The following RMI2 variants were observed in gnomAD, a reference collection of about 807,000 sequenced individuals.
The protein encoded by RMI2 is recQ-mediated genome instability protein 2.
Under a neutral mutation model 8.4 loss-of-function variants are expected in RMI2, and 11 were observed. That is an observed-to-expected ratio of 1.32 (90% CI 0.83 to 2.18). The LOEUF is 2.18. Ranked by LOEUF, RMI2 falls within the 30% of genes most tolerant of loss-of-function variation. The pLI, the probability that RMI2 is intolerant of heterozygous loss-of-function variation, is 0.00. For missense variants in RMI2, 253 were observed against 207.5 expected (o/e 1.22, Z -1.35); for synonymous variants, 105 against 93.8 (o/e 1.12, Z -0.69).
In RMI2 at chr16:11,350,737, C is replaced by T. The variant is rs1297368310; in HGVS notation, c.391C>T (p.His131Tyr). 1.3e-5 allele frequency: 21 copies of T among 1,613,196 alleles called. 1 individual carries two copies. Among genetic ancestry groups the T allele is most frequent in the Non-Finnish European group, 1.7e-5 (20 of 1,179,250 alleles). ...GACAGACCTTTCTGATAATCCCATCCATGAAAGTATGTGGGAACTGGAGGT... is the reference window on the plus strand; with the variant it reads ...GACAGACCTTTCTGATAATCCCATCTATGAAAGTATGTGGGAACTGGAGGT... ...KMTDLSDNPI[H>Y]ESMWELEVED... is the part of the protein sequence containing the mutation. Residue 131 changes from histidine (H) to tyrosine (Y), a missense_variant, in exon 2 of 2, where the codon CAT (histidine) becomes TAT (tyrosine). Coordinates refer to ENST00000312499, the MANE Select transcript of RMI2 (RefSeq NM_152308.3).
Position 11,351,228 on chromosome 16 carries a change from T to C in RMI2, c.*438T>C, listed in dbSNP as rs1338509710. On this transcript the variant is annotated 3_prime_UTR_variant, in exon 2 of 2. Transcript: ENST00000312499. ...TGTGGTTATGGGCAGGAAGACAGAC[T>C]GTGTAAAAAAGGAATGACATCCTGG... The C allele has an allele frequency of 8.6e-6, 2 of 233,556 alleles. No homozygotes were observed. The highest frequency in any genetic ancestry group is 1.8e-4 in the South Asian group (1 of 5,574). 14.5% of individuals were successfully genotyped at this position (233,556 alleles called of 1,614,324 possible).
rs1449850520 is a variant in RMI2, at chr16:11,350,847, A to G, written c.*57A>G. Reference sequence around the variant, plus strand: ...AAATCCCGAAACTATTTAGAAGCTTATAATGATGTGGATTTCATGGACACT... The same window carrying G: ...AAATCCCGAAACTATTTAGAAGCTTGTAATGATGTGGATTTCATGGACACT... On this transcript the variant is annotated 3_prime_UTR_variant, in exon 2 of 2. Coordinates refer to ENST00000312499, the MANE Select transcript of RMI2 (RefSeq NM_152308.3). 18 of 1,429,936 alleles carry G rather than the reference A, an allele frequency of 1.3e-5. No homozygotes were observed. Among genetic ancestry groups the G allele is most frequent in the Non-Finnish European group, 1.6e-5 (17 of 1,043,518 alleles). 88.6% of individuals were successfully genotyped at this position (1,429,936 alleles called of 1,614,324 possible).
At position 11,350,997 on chromosome 16, in the gene RMI2, G is replaced by A. The variant is rs979547780; in HGVS notation, c.*207G>A. The A allele has an allele frequency of 9.7e-6, 4 of 410,714 alleles. No homozygotes were observed. The highest frequency in any genetic ancestry group is 8.3e-5 in the African/African-American group (4 of 48,392). The allele number at this position is 410,714 out of a possible 1,614,324, so 25.4% of individuals were successfully genotyped here. The stretch of plus-strand genomic sequence containing the variant: ...CACAGCCTCTGCTGCCCCTTGCTTT[G>A]CCTGTGTTTGCTGATGAAAAGCAGA... On this transcript the variant is annotated 3_prime_UTR_variant, in exon 2 of 2. Transcript: ENST00000312499.
intron 1 of RMI2, among the ~76,000 whole-genome samples, chr16:11,347,012 A>G (rs537088526): frequency 6.6e-6 from 1 of 152,324 alleles, no homozygotes; most frequent in African/African-American, 2.4e-5. Context: ...TGCTCCAAGA[A>G]CCAATAGTCT....
intron 1 of RMI2, chr16:11,348,878 G>C (rs1410319868): frequency 6.6e-6 from 1 of 152,456 alleles, no homozygotes; most frequent in Non-Finnish European, 1.5e-5. Flanking sequence ...GCTTGAAGGG[G>C]ATAGAGCCGC....
Position 11,345,519 on chromosome 16 carries a change from G to A in RMI2, c.48G>A (p.Arg16=), listed in dbSNP as rs1429274178. Residue 16 remains arginine, a synonymous_variant, in exon 1 of 2, where the codon CGG becomes CGA. Coordinates refer to ENST00000312499, the MANE Select transcript of RMI2 (RefSeq NM_152308.3). The part of the protein sequence containing the change: ...DSFSGGPAGV[R]LPRSPPLKVL... ...TCTCAGGCGGCCCCGCGGGGGTGCG[G>A]CTTCCGAGGTCGCCGCCACTCAAGG... 1.3e-5 allele frequency: 17 copies of A among 1,296,884 alleles called. No homozygotes were observed. The highest frequency in any genetic ancestry group is 1.7e-5 in the Non-Finnish European group (17 of 1,018,494). The allele number at this position is 1,296,884 out of a possible 1,614,324, so 80.3% of individuals were successfully genotyped here. A position where few individuals can be genotyped will look rare whatever the true frequency, so the allele number is the denominator to read the frequency against.
rs986349822 is a variant in RMI2, at chr16:11,350,643, A to G, written c.297A>G (p.Gly99=). ...VPRGRPCLVP[G]KYVMVMGVVQ... is the part of the protein sequence containing the mutation. Reference sequence around the variant, plus strand: ...TATGGGCTTTTCTTCTTTTTCTAGGAAAGTATGTGATGGTGATGGGAGTGG... The same window carrying G: ...TATGGGCTTTTCTTCTTTTTCTAGGGAAGTATGTGATGGTGATGGGAGTGG... Residue 99 remains glycine (G), a splice_region_variant and synonymous_variant, in exon 2 of 2, where the codon GGA becomes GGG. Coordinates refer to ENST00000312499, the MANE Select transcript of RMI2 (RefSeq NM_152308.3). 30 of 1,554,948 alleles carry G rather than the reference A, an allele frequency of 1.9e-5. No homozygotes were observed. The highest frequency in any genetic ancestry group is 2.5e-5 in the Non-Finnish European group (29 of 1,156,816).
chr16:11,351,689 T>C lies in RMI2; in HGVS notation c.*899T>C, dbSNP rs987593974. On this transcript the variant is annotated 3_prime_UTR_variant, in exon 2 of 2. Transcript: ENST00000312499. ...GATTGTAAATATCAAAGGAGTTAGA[T>C]TGTGTTCTGACATGGTTGTAGACTT... is the stretch of plus-strand genomic sequence containing the variant. The C allele has an allele frequency of 1.6e-4, 36 of 226,894 alleles. 1 individual carries two copies. Among genetic ancestry groups the C allele is most frequent in the Admixed American group, 3.4e-4 (6 of 17,602 alleles). 14.1% of individuals were successfully genotyped at this position (226,894 alleles called of 1,614,324 possible).
chr16:11,348,867 G>A (rs947557340), intron 1 of RMI2: 9 of 152,616 alleles, frequency 5.9e-5, no homozygotes, highest in Non-Finnish European at 4.4e-5. Flanking sequence ...CCTGTGCAAA[G>A]GCTTGAAGGG....
rs998218471 is a variant in RMI2 at position 11,345,512 on chromosome 16, G to C, written c.41G>C (p.Gly14Ala). The part of the protein sequence containing the change: ...AADSFSGGPA[G>A]VRLPRSPPLK... Reference sequence around the variant, plus strand: ...GACTCGTTCTCAGGCGGCCCCGCGGGGGTGCGGCTTCCGAGGTCGCCGCCA... The same window carrying C: ...GACTCGTTCTCAGGCGGCCCCGCGGCGGTGCGGCTTCCGAGGTCGCCGCCA... The change falls in exon 1 of 2, where the codon GGG becomes GCG. Residue 14 changes from glycine (G) to alanine (A), a missense_variant. Gly to Ala is a moderately conservative substitution (Grantham distance 60). Coordinates refer to ENST00000312499, the MANE Select transcript of RMI2 (RefSeq NM_152308.3). 7.7e-7 allele frequency: 1 copy of C among 1,305,332 alleles called. No homozygotes were observed. The highest frequency in any genetic ancestry group is 2.3e-5 in the South Asian group (1 of 43,408). 80.9% of individuals were successfully genotyped at this position (1,305,332 alleles called of 1,614,324 possible).
Position 11,350,755 on chromosome 16 carries a change from C to T in RMI2, c.409C>T (p.Leu137=). The T allele has an allele frequency of 6.2e-7, 1 of 1,612,970 alleles. No individual in the cohort carries two copies. The highest frequency in any genetic ancestry group is 8.5e-7 in the Non-Finnish European group (1 of 1,179,480). The change falls in exon 2 of 2, where the codon CTG becomes TTG. Residue 137 remains leucine, a synonymous_variant. Transcript: ENST00000312499. ...TCCCATCCATGAAAGTATGTGGGAA[C>T]TGGAGGTAGAAGATTTACACAGGAA... The part of the protein sequence containing the change: ...DNPIHESMWE[L]EVEDLHRNIP
rs112218267 is a variant in RMI2, at chr16:11,349,476, C to G, written c.296-1166C>G. 6.6e-6 allele frequency among the ~76,000 whole-genome samples: 1 copy of G among 152,176 alleles called. No individual in the cohort carries two copies. The highest frequency in any genetic ancestry group is 1.9e-4 in the East Asian group (1 of 5,192). ...CAGTAGAGCTCCTGTTCCCCTCTCC[C>G]GGTTGGAATGCCCTTGGGCTTGTTT... On this transcript the variant is annotated intron_variant, in intron 1 of 1. Coordinates refer to ENST00000312499, the MANE Select transcript of RMI2 (RefSeq NM_152308.3). The surrounding 1 kb of genome is among the most constrained non-coding windows in gnomAD (Gnocchi z 4.2).
At chr16:11,348,352 G>A (rs568241625) in intron 1 of RMI2, 55 of 152,380 alleles carry the variant, frequency 3.6e-4, no homozygotes, top group African/African-American at 1.3e-3. Flanking sequence ...GTGTTGGTTT[G>A]CAGGCAAAGC....
chr16:11,350,829 G>C lies in RMI2; in HGVS notation c.*39G>C, dbSNP rs551708586. The C allele has an allele frequency of 3.6e-5, 55 of 1,533,280 alleles. No homozygotes were observed. The highest frequency in any genetic ancestry group is 4.7e-5 in the Non-Finnish European group (53 of 1,128,208). The allele number at this position is 1,533,280 out of a possible 1,614,324, so 95.0% of individuals were successfully genotyped here. On this transcript the variant is annotated 3_prime_UTR_variant, in exon 2 of 2. Coordinates refer to ENST00000312499, the MANE Select transcript of RMI2 (RefSeq NM_152308.3). ...TGTCGTTAAAAACAACCAAAATCCCGAAACTATTTAGAAGCTTATAATGAT... is the reference window on the plus strand; with the variant it reads ...TGTCGTTAAAAACAACCAAAATCCCCAAACTATTTAGAAGCTTATAATGAT...
intron 1 of RMI2, among the ~76,000 whole-genome samples, chr16:11,346,425 A>G (rs979430794): frequency 9.9e-5 from 15 of 152,020 alleles, no homozygotes; most frequent in Admixed American, 5.9e-4. Context: ...ACACCCGGCT[A>G]ATTTTTGTAT....
At chr16:11,347,465 G>T (rs150471017) in intron 1 of RMI2, among the ~76,000 whole-genome samples, 273 of 152,328 alleles carry the variant, frequency 1.8e-3, no homozygotes, top group Admixed American at 2.2e-3. Context: ...CAACTGAGCT[G>T]CCTGGAGCAC....
chr16:11,351,640 A>G lies in RMI2; in HGVS notation c.*850A>G, dbSNP rs2070976932. 1 of 230,866 alleles carries G rather than the reference A, an allele frequency of 4.3e-6. No individual in the cohort carries two copies. The highest frequency in any genetic ancestry group is 2.2e-5 in the African/African-American group (1 of 45,242). The allele number at this position is 230,866 out of a possible 1,614,324, so 14.3% of individuals were successfully genotyped here. ...AATGTTGGGTTTCTGCTGTCTGCTT[A>G]GTACCCATGCCTGAATTTTTTGAGA... On this transcript the variant is annotated 3_prime_UTR_variant, in exon 2 of 2. Coordinates refer to ENST00000312499, the MANE Select transcript of RMI2 (RefSeq NM_152308.3).
rs193277177 is a variant in RMI2, at chr16:11,351,537, T to A, written c.*747T>A. 3.0e-5 allele frequency: 7 copies of A among 232,330 alleles called. No homozygotes were observed. The East Asian group carries it at 4.3e-4, about 14-fold the overall frequency. 14.4% of individuals were successfully genotyped at this position (232,330 alleles called of 1,614,324 possible). On this transcript the variant is annotated 3_prime_UTR_variant, in exon 2 of 2. Coordinates refer to ENST00000312499, the MANE Select transcript of RMI2 (RefSeq NM_152308.3). ...TAGCTAAACTTCCACTTCATAACTT[T>A]CGGCGAGACATGGTGAGCCTCCTGG... is the stretch of plus-strand genomic sequence containing the variant.
At chr16:11,350,248 C>T (rs1226869288) in intron 1 of RMI2, among the ~76,000 whole-genome samples, 3 of 152,156 alleles carry the variant, frequency 2.0e-5, no homozygotes, top group Admixed American at 1.3e-4. Context: ...ATTCCTTGGG[C>T]GTGGTTACAT....
Sources: gnomAD v4.1 joint callset for allele counts (sites outside exome capture counted in the v4.1 genomes callset) on GRCh38, gnomAD v4.1.1 for gene constraint, Gnocchi (gnomAD v3.1) non-coding constraint, MANE v1.5 for transcripts, NCBI Gene and HGNC (gene_info 2026-07-23, HGNC 2026-07-21) for gene names.